TULP4: variants seen among roughly 807,000 people sequenced by gnomAD.
TULP4 encodes the protein TUB like protein 4.
In TULP4, 16 loss-of-function variants were observed where a neutral mutation model predicts 129.0. That is an observed-to-expected ratio of 0.12 (90% confidence interval 0.08 to 0.19). The LOEUF is 0.19. Among genes scored for constraint, TULP4 ranks in the 10% least tolerant of loss-of-function variants. The pLI, the probability that TULP4 is intolerant of heterozygous loss-of-function variation, is 1.00. For synonymous variants in TULP4, 998 were observed against 854.0 expected (o/e 1.17, Z -2.94); for missense variants, 1,842 against 2,059.1 (o/e 0.89, Z 2.04).
At chr6:158,273,422 T>C (rs1053379330) in intron 1 of TULP4, among the ~76,000 whole-genome samples, 1 of 152,202 alleles carries the variant, frequency 6.6e-6, no homozygotes, top group East Asian at 1.9e-4. Flanking sequence ...GGGCTTAGTA[T>C]GTTCTGTAGT....
At chr6:158,445,283 G>A (rs1779009374) in intron 3 of TULP4, among the ~76,000 whole-genome samples, 1 of 152,146 alleles carries the variant, frequency 6.6e-6, no homozygotes, top group South Asian at 2.1e-4. Flanking sequence ...CATACCTGAA[G>A]CCTACAGTTC....
At chr6:158,351,327 A>AT (rs759024286) in intron 1 of TULP4, among the ~76,000 whole-genome samples, 1 of 152,118 alleles carries the variant, frequency 6.6e-6, no homozygotes, top group Non-Finnish European at 1.5e-5. Flanking sequence ...TGCACTATAT[A>AT]TTTTTGTGCC....
At chr6:158,379,376 A>G (rs1419055998) in intron 1 of TULP4, among the ~76,000 whole-genome samples, 1 of 152,190 alleles carries the variant, frequency 6.6e-6, no homozygotes, top group Non-Finnish European at 1.5e-5. Flanking sequence ...AAGAAGCACT[A>G]AACGCTAGAG....
At chr6:158,309,002 C>A (rs996710369), upstream of TULP4, among the ~76,000 whole-genome samples, 1 of 146,914 alleles carries the variant, frequency 6.8e-6, no homozygotes, top group Admixed American at 6.7e-5. Flanking sequence ...CCACCTCCCT[C>A]CCGGACAGGG....
rs1562523161 is a variant in TULP4 at position 158,331,728 on chromosome 6, C to CGTATAT, written c.252+17460_252+17461insGTATAT. ...ACACACACACACACACACACACACA[C>CGTATAT]ATACGTATATATATACGTGTATATA... On this transcript the variant is annotated intron_variant, in intron 1 of 13. Coordinates refer to ENST00000367097, the MANE Select transcript of TULP4 (RefSeq NM_020245.5). Among the ~76,000 whole-genome samples the CGTATAT allele has an allele frequency of 3.2e-3, 120 of 37,598 alleles. 22 individuals are homozygous for CGTATAT. Among genetic ancestry groups the CGTATAT allele is most frequent in the Non-Finnish European group, 5.0e-3 (93 of 18,536 alleles). The allele number at this position is 37,598 out of a possible 152,430, so 24.7% of individuals were successfully genotyped here.
At chr6:158,264,920 C>T (rs1778422157) in intron 1 of TULP4, among the ~76,000 whole-genome samples, 1 of 152,164 alleles carries the variant, frequency 6.6e-6, no homozygotes, top group Non-Finnish European at 1.5e-5. Context: ...TCTGTGCCTT[C>T]AAAATGACAA....
In TULP4 at chr6:158,502,979, C is replaced by T. The variant is rs1392345001; in HGVS notation, c.3316C>T (p.His1106Tyr). The change falls in exon 13 of 14, where the codon CAC becomes TAC. Residue 1106 changes from histidine (H) to tyrosine (Y), a missense_variant. Around this residue, in one of 5 missense-constraint regions of TULP4, gnomAD observed 1,089 missense variants for 987.1 expected, o/e 1.10. Coordinates refer to ENST00000367097, the MANE Select transcript of TULP4 (RefSeq NM_020245.5). Reference sequence around the variant, plus strand: ...CTGTCAGCTTGAGAAGCCCTTGAGGCACCCTCCCCTGCCTGAAGCTGCTGT... The same window carrying T: ...CTGTCAGCTTGAGAAGCCCTTGAGGTACCCTCCCCTGCCTGAAGCTGCTGT... ...QHCQLEKPLR[H>Y]PPLPEAAVTL... 1 of 1,613,840 alleles carries T rather than the reference C, an allele frequency of 6.2e-7. No individual in the cohort carries two copies. Among genetic ancestry groups the T allele is most frequent in the East Asian group, 2.2e-5 (1 of 44,880 alleles).
intron 2 of TULP4, among the ~76,000 whole-genome samples, chr6:158,423,347 G>A (rs1583859848): frequency 6.6e-6 from 1 of 152,136 alleles, no homozygotes; most frequent in Admixed American, 6.5e-5. Context: ...CAGTTAGACA[G>A]GAAAATAAGT....
In TULP4 at chr6:158,443,935, T is replaced by C. The variant is rs569071293; in HGVS notation, c.544-5061T>C. 2.0e-5 allele frequency among the ~76,000 whole-genome samples: 3 copies of C among 152,190 alleles called. No homozygotes were observed. In the South Asian group the frequency reaches 6.2e-4, roughly 32 times the overall value. Reference sequence around the variant, plus strand: ...CCAACAGGGAGGTCTTAAAAAATTTTTTGGCCGGGTGCGGTGGCTCACGCC... The same window carrying C: ...CCAACAGGGAGGTCTTAAAAAATTTCTTGGCCGGGTGCGGTGGCTCACGCC... On this transcript the variant is annotated intron_variant, in intron 3 of 13. Transcript: ENST00000367097.
chr6:158,480,488 C>A (rs925276238), intron 7 of TULP4, among the ~76,000 whole-genome samples: 2 of 152,242 alleles, frequency 1.3e-5, no homozygotes, highest in Admixed American at 1.3e-4. Context: ...CAGCACTCAG[C>A]GTCAGCCACC....
intron 1 of TULP4, among the ~76,000 whole-genome samples, chr6:158,302,102 A>T (rs1779142035): frequency 1.3e-5 from 2 of 152,188 alleles, no homozygotes; most frequent in South Asian, 4.1e-4. Context: ...CAGTGGGGGC[A>T]GCGATTAATA....
upstream of TULP4, chr6:158,312,322 G>T: frequency 2.6e-6 from 1 of 391,610 alleles, no homozygotes; most frequent in Non-Finnish European, 4.5e-6. Context: ...ATCACTAATG[G>T]CCAGTTTTCC....
chr6:158,502,759 T>G lies in TULP4; in HGVS notation c.3096T>G (p.Pro1032=), dbSNP rs1038250718. 2.5e-6 allele frequency: 4 copies of G among 1,599,004 alleles called. No individual in the cohort carries two copies. The African/African-American group carries it at 5.4e-5, about 21-fold the overall frequency. The change falls in exon 13 of 14, where the codon CCT becomes CCG. Residue 1032 remains proline (P), a synonymous_variant. Transcript: ENST00000367097. ...VVTQLPARPP[P]ALYTCSQCSG... ...CACAGCTCCCAGCGCGGCCCCCACC[T>G]GCCCTGTACACCTGCAGTCAGTGCA...
chr6:158,456,725 G>A (rs552463686), intron 5 of TULP4, among the ~76,000 whole-genome samples: 98 of 151,972 alleles, frequency 6.4e-4, no homozygotes, highest in African/African-American at 2.3e-3. Context: ...TCCCAGCTAC[G>A]TGGGAGGCCG....
chr6:158,439,620 C>A (rs892375848), intron 3 of TULP4, among the ~76,000 whole-genome samples: 16 of 149,204 alleles, frequency 1.1e-4, no homozygotes, highest in African/African-American at 2.5e-5. Flanking sequence ...AGTTTCCCTG[C>A]AAAGACTTAA....
chr6:158,412,871 G>A (rs1176042849), intron 1 of TULP4, among the ~76,000 whole-genome samples, 194 bp from the exon 2 acceptor site: 5 of 152,136 alleles, frequency 3.3e-5, no homozygotes, highest in African/African-American at 9.7e-5. Flanking sequence ...TTAGGAAGCC[G>A]TGTCAGTGGG....
At chr6:158,499,599 A>G (rs1780400932) in intron 12 of TULP4, among the ~76,000 whole-genome samples, 1 of 152,190 alleles carries the variant, frequency 6.6e-6, no homozygotes, top group South Asian at 2.1e-4. Context: ...AGGCCACCTG[A>G]GATTTTATAG....
chr6:158,331,770 C>CATAT (rs1779896815), intron 1 of TULP4, among the ~76,000 whole-genome samples: 1 of 10,966 alleles, frequency 9.1e-5, no homozygotes. Context: ...TATATATACA[C>CATAT]GTATATATAC....
chr6:158,393,927 T>G (rs188527325), intron 1 of TULP4, among the ~76,000 whole-genome samples: 2 of 152,262 alleles, frequency 1.3e-5, no homozygotes, highest in African/African-American at 2.4e-5. Flanking sequence ...AGAAAATGGG[T>G]TTTTCCTTTC....
Sources: allele counts gnomAD v4.1 joint callset (sites outside exome capture counted in the v4.1 genomes callset), GRCh38; gene constraint gnomAD v4.1.1; regional missense constraint gnomAD v4.1.1; transcripts MANE v1.5; gene names NCBI Gene and HGNC (gene_info 2026-07-23, HGNC 2026-07-21).